Variants in NOSIP observed in about 807,000 individuals in gnomAD.
The protein encoded by NOSIP is nitric oxide synthase-interacting protein.
NOSIP carries 25 observed loss-of-function variants against 36.4 expected under a neutral mutation model. The observed-to-expected ratio is 0.69, with a 90% CI of 0.50 to 0.96. The LOEUF (loss-of-function observed/expected upper bound fraction) is 0.96, where lower values mean the gene tolerates loss of function less well. Ranked by LOEUF, NOSIP falls within the 40% of genes least tolerant of loss-of-function variation. The probability of loss-of-function intolerance (pLI) is 0.00; values close to 1 mark genes in which losing one functional copy is unlikely to be tolerated. For missense variants in NOSIP, 370 were observed against 429.0 expected (o/e 0.86, Z 1.21); for synonymous variants, 187 against 179.2 (o/e 1.04, Z -0.35).
intron 1 of NOSIP, among the ~76,000 whole-genome samples, chr19:49,569,462 T>C (rs1167531595): frequency 6.8e-6 from 1 of 146,680 alleles, no homozygotes; most frequent in South Asian, 2.2e-4. Flanking sequence ...CCTTCCAAAG[T>C]GCTGGGATTA....
chr19:49,572,152 G>A (rs1236032892), intron 1 of NOSIP, among the ~76,000 whole-genome samples: 8 of 149,910 alleles, frequency 5.3e-5, no homozygotes, highest in Non-Finnish European at 1.0e-4. Flanking sequence ...ATCACCTAGG[G>A]TGGAGTGCAG....
chr19:49,566,182 G>C (rs1334275814), intron 1 of NOSIP, among the ~76,000 whole-genome samples: 1 of 151,994 alleles, frequency 6.6e-6, no homozygotes, highest in Admixed American at 6.6e-5. Context: ...ACCACGCCTG[G>C]CTAATTTTTT....
In NOSIP at chr19:49,557,137, C is replaced by T. The variant is rs772372595; in HGVS notation, c.371G>A (p.Arg124Gln). The T allele has an allele frequency of 3.1e-6, 5 of 1,612,634 alleles. No homozygotes were observed. In the African/African-American group the frequency reaches 4.0e-5, roughly 13 times the overall value. Residue 124 changes from arginine to glutamine, a missense_variant, in exon 5 of 9, where the codon CGG becomes CAG. By Grantham distance (43) the Arg-to-Gln change is conservative. This residue lies in a region of NOSIP where 315 missense variants were observed against 331.9 expected (regional missense o/e 0.95). Transcript: ENST00000596358. ...CTTGGCTGTGAAAGGGTTGAGGGGC[C>T]GGCTCACGATAGCCGACTCCTTCTC... Reference protein sequence around the residue: ...FLEKESAIVSRPLNPFTAKAL... With the variant: ...FLEKESAIVSQPLNPFTAKAL...
Position 49,556,747 on chromosome 19 carries a change from CAG to C in NOSIP, c.538-13_538-12del, listed in dbSNP as rs749742910. On this transcript the variant is annotated splice_polypyrimidine_tract_variant and intron_variant, in intron 6 of 8. Transcript: ENST00000596358. ...GGTCACCGTGCGGGACTGCAAGGGG[CAG>C]AGAGAGGCGGGCTCAGTAGGCAGGG... 1.4e-5 allele frequency: 22 copies of C among 1,602,812 alleles called. No homozygotes were observed. The highest frequency in any genetic ancestry group is 5.4e-5 in the African/African-American group (4 of 74,714).
At chr19:49,575,696 T>G (rs2080542886) in intron 1 of NOSIP, among the ~76,000 whole-genome samples, 1 of 152,194 alleles carries the variant, frequency 6.6e-6, no homozygotes, top group Admixed American at 6.6e-5. Flanking sequence ...TCAGCCCCTG[T>G]AGCATAAAAG....
chr19:49,557,468 AAG>A, intron 4 of NOSIP: 6 of 1,394,204 alleles, frequency 4.3e-6, no homozygotes, highest in Non-Finnish European at 5.6e-6. Context: ...TCTGTGGCCT[AAG>A]TGAGCACTAT....
At chr19:49,565,969 C>T (rs79796602) in intron 1 of NOSIP, among the ~76,000 whole-genome samples, 121 of 152,190 alleles carry the variant, frequency 8.0e-4, no homozygotes, top group African/African-American at 2.8e-3. Context: ...CAATGTCTAG[C>T]ACGTGTCCAA....
intron 1 of NOSIP, among the ~76,000 whole-genome samples, chr19:49,565,850 G>A (rs553050416): frequency 8.3e-4 from 126 of 152,056 alleles, no homozygotes; most frequent in African/African-American, 3.0e-3. Flanking sequence ...CACCAGGCAC[G>A]TCCTTGGTCT....
At position 49,555,691 on chromosome 19, in the gene NOSIP, C is replaced by T. The variant is rs771637719; in HGVS notation, c.*60G>A. The T allele has an allele frequency of 6.8e-7, 1 of 1,474,948 alleles. No individual in the cohort carries two copies. The allele number at this position is 1,474,948 out of a possible 1,614,324, so 91.4% of individuals were successfully genotyped here. A position where few individuals can be genotyped will look rare whatever the true frequency, so the allele number is the denominator to read the frequency against. The stretch of plus-strand genomic sequence containing the variant: ...CCCTGTCCCCGGGGCGCCCACGCCG[C>T]GAATGAAGGCGCCACGTCGTTGCGC... On this transcript the variant is annotated 3_prime_UTR_variant, in exon 9 of 9. Transcript: ENST00000596358.
At chr19:49,564,474 A>AAAC (rs2080378924) in intron 1 of NOSIP, among the ~76,000 whole-genome samples, 1 of 151,206 alleles carries the variant, frequency 6.6e-6, no homozygotes. Context: ...AAAAAAAAAA[A>AAAC]AACAAAATAA....
chr19:49,557,588 A>C, intron 4 of NOSIP: 1 of 1,183,706 alleles, frequency 8.4e-7, no homozygotes, highest in Non-Finnish European at 1.1e-6. Flanking sequence ...CAGCATGGAG[A>C]GCCTCACCTG....
intron 4 of NOSIP, 58 bp downstream of exon 4, chr19:49,558,839 T>G: frequency 2.4e-4 from 327 of 1,377,644 alleles, no homozygotes; most frequent in Middle Eastern, 4.0e-4. Context: ...GCTCTGCCTG[T>G]GAGCTCAGAC....
intron 1 of NOSIP, among the ~76,000 whole-genome samples, chr19:49,576,236 TGGATA>T (rs2080551705): frequency 6.6e-6 from 1 of 152,050 alleles, no homozygotes; most frequent in South Asian, 2.1e-4. Context: ...GGCTCATACC[TGGATA>T]GGGTGCTTTG....
rs1383839562 is a variant in NOSIP at position 49,557,261 on chromosome 19, A to G, written c.259-12T>C. ...TGCTTCTCGTAGGCCTGCGTCGGGG[A>G]AAGTGGGCTGAGCATCTGCCCGTGG... is the stretch of plus-strand genomic sequence containing the variant. On this transcript the variant is annotated splice_polypyrimidine_tract_variant and intron_variant, in intron 4 of 8. Coordinates refer to ENST00000596358, the MANE Select transcript of NOSIP (RefSeq NM_001270960.2). The G allele has an allele frequency of 5.7e-6, 9 of 1,570,214 alleles. No homozygotes were observed. The highest frequency in any genetic ancestry group is 1.9e-4 in the Middle Eastern group (1 of 5,206).
Position 49,559,845 on chromosome 19 carries a change from G to A in NOSIP, c.176+89C>T. The A allele has an allele frequency of 4.6e-6, 4 of 861,614 alleles. No homozygotes were observed. In the Middle Eastern group the frequency reaches 7.4e-4, roughly 159 times the overall value. The allele number at this position is 861,614 out of a possible 1,614,324, so 53.4% of individuals were successfully genotyped here. A position where few individuals can be genotyped will look rare whatever the true frequency, so the allele number is the denominator to read the frequency against. On this transcript the variant is annotated intron_variant, in intron 3 of 8. Coordinates refer to ENST00000596358, the MANE Select transcript of NOSIP (RefSeq NM_001270960.2). ...TGCTCATCCAGGGTTCCCTGGCTGT[G>A]CAGGTGGCCAGACCCACGCACACAG... is the stretch of plus-strand genomic sequence containing the variant.
chr19:49,571,857 C>G (rs941232964), intron 1 of NOSIP, among the ~76,000 whole-genome samples: 1 of 151,474 alleles, frequency 6.6e-6, no homozygotes, highest in African/African-American at 2.4e-5. Context: ...TGTTGGTGCG[C>G]GCCTGTGGTC....
At chr19:49,556,042 GGGAGCGTGT>G (rs1355324260) in intron 8 of NOSIP, among the ~76,000 whole-genome samples, 1 of 147,132 alleles carries the variant, frequency 6.8e-6, no homozygotes, top group African/African-American at 2.5e-5. Flanking sequence ...AGCCTTGGGA[GGGAGCGTGT>G]GGAGGGGGTG....
chr19:49,559,353 C>CA (rs35460081), intron 3 of NOSIP: 17,418 of 195,918 alleles, frequency 0.089, 2,435 homozygotes, highest in African/African-American at 0.32. Context: ...CCCCTCTCTA[C>CA]AAAAAACAAA....
chr19:49,568,755 G>C (rs1326760665), intron 1 of NOSIP, among the ~76,000 whole-genome samples: 1 of 149,970 alleles, frequency 6.7e-6, no homozygotes, highest in African/African-American at 2.5e-5. Context: ...GACCAGCCTG[G>C]GCAATATAGC....
Sources: allele counts gnomAD v4.1 joint callset (sites outside exome capture counted in the v4.1 genomes callset), GRCh38; gene constraint gnomAD v4.1.1; regional missense constraint gnomAD v4.1.1; transcripts MANE v1.5; gene names NCBI Gene and HGNC (gene_info 2026-07-23, HGNC 2026-07-21).